MAST2: variants seen among roughly 807,000 people sequenced by gnomAD.
MAST2 encodes microtubule associated serine/threonine kinase 2.
A neutral mutation model predicts 147.4 loss-of-function variants in MAST2; 70 were observed. The ratio of observed to expected loss-of-function variants is 0.47; its 90% CI spans 0.39 to 0.58. The LOEUF (loss-of-function observed/expected upper bound fraction) is 0.58. MAST2 is among the 20% of genes least tolerant of loss of function. The probability of loss-of-function intolerance (pLI) is 0.00; values close to 1 mark genes in which losing one functional copy is unlikely to be tolerated. For missense variants in MAST2, 2,080 were observed against 2,302.3 expected, an observed-to-expected ratio of 0.90 and a Z score of 1.98; for synonymous variants, 869 against 896.8, an observed-to-expected ratio of 0.97 and a Z score of 0.55.
intron 2 of MAST2, among the ~76,000 whole-genome samples, chr1:45,828,532 G>A (rs1644858494): frequency 6.6e-6 from 1 of 152,158 alleles, no homozygotes; most frequent in Non-Finnish European, 1.5e-5. Context: ...TTTTAAGGAA[G>A]GAAATGACAT....
intron 4 of MAST2, among the ~76,000 whole-genome samples, chr1:45,953,593 C>T (rs1659244035): frequency 1.1e-5 from 1 of 95,102 alleles, no homozygotes; most frequent in South Asian, 4.1e-4. Context: ...TAGAATAAAG[C>T]CTTGAAGGAG....
At chr1:45,817,063 A>G (rs1644477911) in intron 1 of MAST2, among the ~76,000 whole-genome samples, 1 of 152,344 alleles carries the variant, frequency 6.6e-6, no homozygotes, top group Admixed American at 6.5e-5. Flanking sequence ...ATAAAAAGGA[A>G]TAAAAAGCAT....
At position 46,035,660 on chromosome 1, in the gene MAST2, G is replaced by A. The variant is rs774711101; in HGVS notation, c.4991G>A (p.Gly1664Asp). Reference protein sequence around the residue: ...SMWSWKSLIEGPDRASPSRKA... With the variant: ...SMWSWKSLIEDPDRASPSRKA... ...TGGTCCTGGAAATCCCTTATTGAGG[G>A]CCCAGACAGGGCATCCCCAAGCAGA... Residue 1664 changes from glycine (G) to aspartate (D), a missense_variant, in exon 29 of 29, where the codon GGC (glycine) becomes GAC (aspartate). By Grantham distance (94) the Gly-to-Asp change is moderately conservative (BLOSUM62 -1). Transcript: ENST00000361297. The surrounding 1 kb of genome is among the most constrained non-coding windows in gnomAD (Gnocchi z 5.5). 6.2e-7 allele frequency: 1 copy of A among 1,613,924 alleles called. No individual in the cohort carries two copies. The highest frequency in any genetic ancestry group is 1.1e-5 in the South Asian group (1 of 91,070).
intron 5 of MAST2, among the ~76,000 whole-genome samples, chr1:45,984,586 G>A (rs1644541572): frequency 6.6e-6 from 1 of 151,948 alleles, no homozygotes; most frequent in South Asian, 2.1e-4. Flanking sequence ...TGAGATTACA[G>A]GCAAGAACCA....
intron 1 of MAST2, among the ~76,000 whole-genome samples, chr1:45,808,297 C>T (rs1441473947): frequency 6.6e-6 from 1 of 152,110 alleles, no homozygotes; most frequent in Non-Finnish European, 1.5e-5. Context: ...GTGGCGCGAT[C>T]TCGGCTTATT....
rs1050107601 is a variant in MAST2 at position 45,997,757 on chromosome 1, C to T, written c.626C>T (p.Ser209Phe). The T allele has an allele frequency of 7.4e-6, 12 of 1,614,074 alleles. No homozygotes were observed. Among genetic ancestry groups the T allele is most frequent in the Non-Finnish European group, 1.0e-5 (12 of 1,180,010 alleles). ...NSPLDSPRNFSPNAPAHFSFV... is the reference protein window; with the variant it reads ...NSPLDSPRNFFPNAPAHFSFV... ...CCTTTGGACAGCCCCCGGAATTTCTCTCCAAATGCACCTGCTCACTTTTCT... is the reference window on the plus strand; with the variant it reads ...CCTTTGGACAGCCCCCGGAATTTCTTTCCAAATGCACCTGCTCACTTTTCT... Residue 209 changes from serine (S) to phenylalanine (F), a missense_variant, in exon 6 of 29, where the codon TCT becomes TTT. Ser to Phe is a radical substitution (Grantham distance 155). Coordinates refer to ENST00000361297, the MANE Select transcript of MAST2 (RefSeq NM_015112.3).
intron 4 of MAST2, among the ~76,000 whole-genome samples, chr1:45,912,657 G>T (rs892900083): frequency 6.6e-6 from 1 of 152,214 alleles, no homozygotes; most frequent in Non-Finnish European, 1.5e-5. Flanking sequence ...TGGCAGAGCC[G>T]CTGAAGCAGG....
intron 4 of MAST2, among the ~76,000 whole-genome samples, chr1:45,915,183 C>A (rs920291093): frequency 2.0e-5 from 3 of 152,174 alleles, no homozygotes; most frequent in Non-Finnish European, 4.4e-5. Flanking sequence ...CCTCTTGCCT[C>A]AGCCTCTTAG....
rs1293291460 is a variant in MAST2, at chr1:45,923,222, C to A, written c.501-36164C>A. ...AGTTCCCAGGGGTGGGTTCCCAGGG[C>A]AGTGGGCCTGTAGGGGGGCTTCCAA... On this transcript the variant is annotated intron_variant, in intron 4 of 28. Transcript: ENST00000361297. 2.0e-5 allele frequency among the ~76,000 whole-genome samples: 3 copies of A among 152,266 alleles called. No individual in the cohort carries two copies. The East Asian group carries it at 5.8e-4, about 29-fold the overall frequency.
At chr1:46,006,465 G>A in intron 8 of MAST2, 70 bp downstream of exon 8, 1 of 1,492,234 alleles carries the variant, frequency 6.7e-7, no homozygotes, top group African/African-American at 1.4e-5. Context: ...ACAGAGGTGG[G>A]CACACTATGC....
intron 9 of MAST2, among the ~76,000 whole-genome samples, chr1:46,009,829 A>G (rs1044294497): frequency 1.3e-5 from 2 of 152,182 alleles, no homozygotes; most frequent in African/African-American, 2.4e-5. Context: ...ATGTAGGTAT[A>G]CATTTGCCTA....
intron 12 of MAST2, 26 bp downstream of exon 12, chr1:46,022,108 A>G: frequency 1.2e-6 from 2 of 1,612,744 alleles, no homozygotes; most frequent in Non-Finnish European, 1.7e-6. Context: ...AGTGGCTGCA[A>G]AGAGGCCCCA....
In MAST2 at chr1:46,032,714, T is replaced by G; in HGVS notation, c.3533T>G (p.Leu1178Arg). 1 of 1,612,900 alleles carries G rather than the reference T, an allele frequency of 6.2e-7. No homozygotes were observed. Among genetic ancestry groups the G allele is most frequent in the Non-Finnish European group, 8.5e-7 (1 of 1,179,200 alleles). The change falls in exon 26 of 29, where the codon CTG becomes CGG. Residue 1178 changes from leucine (L) to arginine (R), a missense_variant. This residue lies in a region of MAST2 where 1,278 missense variants were observed against 1,304.2 expected (regional missense o/e 0.98). Coordinates refer to ENST00000361297, the MANE Select transcript of MAST2 (RefSeq NM_015112.3). ...CACACGGAGGTGGTAGAGCTGATCC[T>G]GAAGGTTAGTGCTGGGCGTGCTGCC... is the stretch of plus-strand genomic sequence containing the variant. ...LVHTEVVELI[L>R]KSGNKVAIST...
chr1:46,000,649 A>T (rs1209506753), intron 6 of MAST2, among the ~76,000 whole-genome samples: 1 of 152,192 alleles, frequency 6.6e-6, no homozygotes, highest in African/African-American at 2.4e-5. Flanking sequence ...ACAACATAGT[A>T]AGAAAAGCTG....
intron 4 of MAST2, among the ~76,000 whole-genome samples, chr1:45,941,345 C>T (rs1185542611): frequency 6.6e-6 from 1 of 152,132 alleles, no homozygotes; most frequent in Non-Finnish European, 1.5e-5. Context: ...CTGCAGCCTC[C>T]ACCTCCTGGA....
intron 5 of MAST2, among the ~76,000 whole-genome samples, chr1:45,991,017 T>G (rs1644835892): frequency 6.6e-6 from 1 of 152,212 alleles, no homozygotes; most frequent in South Asian, 2.1e-4. Context: ...TGTTTTTACA[T>G]TTAGGTAAAT....
Position 45,999,934 on chromosome 1 carries a change from G to A in MAST2, c.668+2135G>A, listed in dbSNP as rs577571275. ...GCTGTGTCCTGGCGGGAAGACAAAT[G>A]AGTAGTGGGAGAGAAAGACAAACAA... On this transcript the variant is annotated intron_variant, in intron 6 of 28. Coordinates refer to ENST00000361297, the MANE Select transcript of MAST2 (RefSeq NM_015112.3). 7.6e-4 allele frequency among the ~76,000 whole-genome samples: 116 copies of A among 152,350 alleles called. 1 individual carries two copies. The highest frequency in any genetic ancestry group is 2.7e-3 in the African/African-American group (113 of 41,586).
At chr1:45,957,003 T>A (rs925018279) in intron 4 of MAST2, among the ~76,000 whole-genome samples, 4 of 152,224 alleles carry the variant, frequency 2.6e-5, no homozygotes, top group African/African-American at 9.6e-5. Context: ...GAAATAATGT[T>A]TTCAATTCCC....
chr1:45,810,727 C>T (rs187440200), intron 1 of MAST2, among the ~76,000 whole-genome samples: 141 of 140,160 alleles, frequency 1.0e-3, no homozygotes, highest in Middle Eastern at 3.9e-3. Flanking sequence ...AGGAGAATTG[C>T]TTGAACCCGG....
Sources: gnomAD v4.1 joint callset for allele counts (sites outside exome capture counted in the v4.1 genomes callset) on GRCh38, gnomAD v4.1.1 for gene constraint, gnomAD v4.1.1 regional missense constraint, Gnocchi (gnomAD v3.1) non-coding constraint, MANE v1.5 for transcripts, NCBI Gene and HGNC (gene_info 2026-07-23, HGNC 2026-07-21) for gene names.